UPF2: variants seen among roughly 807,000 people sequenced by gnomAD.
UPF2 encodes the protein regulator of nonsense transcripts 2.
A neutral mutation model predicts 141.4 loss-of-function variants in UPF2; 17 were observed. That is an observed-to-expected ratio of 0.12 (90% CI 0.08 to 0.18). The LOEUF is 0.18. Ranked by LOEUF, UPF2 falls within the 10% of genes least tolerant of loss-of-function variation. UPF2 has a pLI of 1.00. For synonymous variants in UPF2, 540 were observed against 498.0 expected (o/e 1.08, Z -1.12); for missense variants, 1,152 against 1,515.9 (o/e 0.76, Z 3.99).
intron 18 of UPF2, among the ~76,000 whole-genome samples, chr10:11,938,643 TA>T (rs200008959): frequency 6.6e-4 from 96 of 145,724 alleles, no homozygotes; most frequent in African/African-American, 1.7e-3. Flanking sequence ...TTTCACACAA[TA>T]AAAAAAAAAA....
rs185271882 is a variant in UPF2, at chr10:11,949,328, A to G, written c.3035-820T>C. Reference sequence around the variant, plus strand: ...TGCTTTGAAATCTTGCTTGCCCAATATCCTTCTCAATAGAGAATACCCTTC... The same window carrying G: ...TGCTTTGAAATCTTGCTTGCCCAATGTCCTTCTCAATAGAGAATACCCTTC... On this transcript the variant is annotated intron_variant, in intron 15 of 21. Coordinates refer to ENST00000357604, the MANE Select transcript of UPF2 (RefSeq NM_015542.4). Among the ~76,000 whole-genome samples the G allele has an allele frequency of 1.2e-3, 178 of 152,294 alleles. 1 individual carries two copies. The highest frequency in any genetic ancestry group is 3.8e-3 in the African/African-American group (157 of 41,556).
At chr10:11,952,877 T>C (rs1833096179) in intron 14 of UPF2, among the ~76,000 whole-genome samples, 1 of 152,152 alleles carries the variant, frequency 6.6e-6, no homozygotes, top group Non-Finnish European at 1.5e-5. Flanking sequence ...AAGGCACTGA[T>C]TTCCTATATT....
intron 4 of UPF2, among the ~76,000 whole-genome samples, chr10:12,013,770 AG>A (rs991141897): frequency 3.9e-5 from 6 of 152,086 alleles, no homozygotes; most frequent in Admixed American, 2.6e-4. Flanking sequence ...ATTTAAGAAA[AG>A]TTTTTTTTAA....
chr10:11,975,859 C>T (rs972959771), intron 9 of UPF2, among the ~76,000 whole-genome samples: 5 of 152,230 alleles, frequency 3.3e-5, no homozygotes, highest in Non-Finnish European at 5.9e-5. Context: ...GGCTGTCCAT[C>T]ATTTCAGCAT....
chr10:12,032,733 G>A (rs1834547806), intron 2 of UPF2, among the ~76,000 whole-genome samples: 2 of 135,512 alleles, frequency 1.5e-5, no homozygotes, highest in South Asian at 2.5e-4. Flanking sequence ...GCAAGACCCT[G>A]TCTCAAAAAA....
intron 16 of UPF2, among the ~76,000 whole-genome samples, chr10:11,944,067 T>C (rs1309904771): frequency 2.0e-5 from 3 of 151,814 alleles, no homozygotes; most frequent in Non-Finnish European, 4.4e-5. Flanking sequence ...TGTGCCATGA[T>C]GGCTGAGAAA....
rs113809934 is a variant in UPF2 at position 11,942,375 on chromosome 10, G to GA, written c.3378+289dup. Among the ~76,000 whole-genome samples, 582 of 146,662 alleles carry GA rather than the reference G, an allele frequency of 4.0e-3. 1 individual carries two copies. The highest frequency in any genetic ancestry group is 0.01 in the Middle Eastern group (3 of 290). On this transcript the variant is annotated intron_variant, in intron 18 of 21. Transcript: ENST00000357604. ...GCAACAGAGTGAGACTCTGTCTCAA[G>GA]AAAAAAAAAAGAAATATGACTTAAG...
Position 11,959,217 on chromosome 10 carries a change from A to G in UPF2, c.2324T>C (p.Val775Ala), listed in dbSNP as rs1257098735. 6.2e-6 allele frequency: 10 copies of G among 1,611,708 alleles called. No individual in the cohort carries two copies. Among genetic ancestry groups the G allele is most frequent in the Admixed American group, 1.7e-5 (1 of 59,228 alleles). Reference protein sequence around the residue: ...KKKRPPLQEYVRKLLYKDLSK... With the variant: ...KKKRPPLQEYARKLLYKDLSK... ...GAGATCCTTGTACAAAAGTTTCCGG[A>G]CATATTCCTGGAGAGGAGGACGTTT... The change falls in exon 12 of 22, where the codon GTC (valine) becomes GCC (alanine). Residue 775 changes from valine (V) to alanine (A), a missense_variant. Val to Ala is a moderately conservative substitution (Grantham distance 64). Around this residue, in one of 4 missense-constraint regions of UPF2, gnomAD observed 739 missense variants for 1,032.2 expected, o/e 0.72. Coordinates refer to ENST00000357604, the MANE Select transcript of UPF2 (RefSeq NM_015542.4). The surrounding 1 kb of genome is among the most constrained non-coding windows in gnomAD (Gnocchi z 5.9).
chr10:11,981,693 T>G (rs1659416091), intron 8 of UPF2, among the ~76,000 whole-genome samples: 1 of 152,196 alleles, frequency 6.6e-6, no homozygotes, highest in African/African-American at 2.4e-5. Context: ...ACTCTTTTTT[T>G]TTTCTGAGAC....
chr10:11,976,512 G>A lies in UPF2; in HGVS notation c.1953+2545C>T, dbSNP rs189066147. Among the ~76,000 whole-genome samples, 277 of 152,262 alleles carry A rather than the reference G, an allele frequency of 1.8e-3. 1 individual carries two copies. The highest frequency in any genetic ancestry group is 3.3e-3 in the Non-Finnish European group (225 of 67,992). On this transcript the variant is annotated intron_variant, in intron 9 of 21. Transcript: ENST00000357604. ...ATGGGAAATACAGAAGCAGATTCAAGGAAGTAAAAGACATTTTTAAGAAGA... is the reference window on the plus strand; with the variant it reads ...ATGGGAAATACAGAAGCAGATTCAAAGAAGTAAAAGACATTTTTAAGAAGA...
rs752504015 is a variant in UPF2, at chr10:11,956,489, T to C, written c.2405A>G (p.Asp802Gly). 2 of 1,613,970 alleles carry C rather than the reference T, an allele frequency of 1.2e-6. No homozygotes were observed. Among genetic ancestry groups the C allele is most frequent in the Non-Finnish European group, 1.7e-6 (2 of 1,179,892 alleles). ...LRQMRKLPWQ[D>G]QEVKDYVICC... Reference sequence around the variant, plus strand: ...AATAACATAGTCTTTCACTTCTTGGTCCTGCCAGGGCAGCTTTCGCATCTG... The same window carrying C: ...AATAACATAGTCTTTCACTTCTTGGCCCTGCCAGGGCAGCTTTCGCATCTG... The change falls in exon 13 of 22, where the codon GAC (aspartate) becomes GGC (glycine). Residue 802 changes from aspartate (D) to glycine (G), a missense_variant. By Grantham distance (94) the Asp-to-Gly change is moderately conservative. This residue lies in a region of UPF2 where 739 missense variants were observed against 1,032.2 expected (regional missense o/e 0.72). Coordinates refer to ENST00000357604, the MANE Select transcript of UPF2 (RefSeq NM_015542.4). This position sits in a 1 kb window ranked among gnomAD's most constrained non-coding sequence, Gnocchi z 4.2.
Position 11,936,463 on chromosome 10 carries a change from T to C in UPF2, c.3546+82A>G. 2 of 1,406,344 alleles carry C rather than the reference T, an allele frequency of 1.4e-6. No individual in the cohort carries two copies. Among genetic ancestry groups the C allele is most frequent in the Non-Finnish European group, 1.9e-6 (2 of 1,048,122 alleles). The allele number at this position is 1,406,344 out of a possible 1,614,324, so 87.1% of individuals were successfully genotyped here. Reference sequence around the variant, plus strand: ...ATGGTTTAAAACTGTCCAACCCTTATCCCCTTGTAGGTCAAAGATAAGTTA... The same window carrying C: ...ATGGTTTAAAACTGTCCAACCCTTACCCCCTTGTAGGTCAAAGATAAGTTA... On this transcript the variant is annotated intron_variant, in intron 19 of 21. Transcript: ENST00000357604. This position sits in a 1 kb window ranked among gnomAD's most constrained non-coding sequence, Gnocchi z 6.6.
chr10:11,961,856 A>C (rs1024652901), intron 11 of UPF2, among the ~76,000 whole-genome samples: 1 of 152,168 alleles, frequency 6.6e-6, no homozygotes, highest in Non-Finnish European at 1.5e-5. Flanking sequence ...TTTGCTATTT[A>C]TAAGTTCGAC....
chr10:12,042,518 GCCC>G lies in UPF2; in HGVS notation c.-19+234_-19+236del, dbSNP rs992677598. ...ATGTGGGGCAGGCACCTCCTCCACC[GCCC>G]CCCAAGCATGGCCCGGCCCGGGGGC... On this transcript the variant is annotated intron_variant, in intron 1 of 21. Transcript: ENST00000357604. The surrounding 1 kb of genome is among the most constrained non-coding windows in gnomAD (Gnocchi z 5.5). 1.3e-5 allele frequency among the ~76,000 whole-genome samples: 2 copies of G among 152,002 alleles called. No individual in the cohort carries two copies. The highest frequency in any genetic ancestry group is 2.9e-5 in the Non-Finnish European group (2 of 67,978).
intron 14 of UPF2, among the ~76,000 whole-genome samples, chr10:11,952,514 A>G (rs1025592504): frequency 1.8e-4 from 22 of 123,404 alleles, no homozygotes; most frequent in Admixed American, 1.5e-3. Context: ...TCGCTCTGTC[A>G]CCCAGTCTGG....
intron 16 of UPF2, 142 bp from the exon 17 acceptor site, chr10:11,943,310 G>A: frequency 1.4e-6 from 1 of 695,286 alleles, no homozygotes; most frequent in Non-Finnish European, 2.4e-6. Flanking sequence ...TTTCCAATGG[G>A]AGGGCAAAGT....
At position 11,948,523 on chromosome 10, in the gene UPF2, G is replaced by A. The variant is rs1362977608; in HGVS notation, c.3035-15C>T. ...ATTTACTAGGCCTTGAAATGAGAAG[G>A]TGGAAATGGAAAAATACATTAAAAA... On this transcript the variant is annotated splice_polypyrimidine_tract_variant and intron_variant, in intron 15 of 21. Transcript: ENST00000357604. 6.2e-7 allele frequency: 1 copy of A among 1,608,806 alleles called. No individual in the cohort carries two copies. The highest frequency in any genetic ancestry group is 1.7e-5 in the Admixed American group (1 of 59,514).
intron 2 of UPF2, among the ~76,000 whole-genome samples, chr10:12,032,143 A>C (rs1834535209): frequency 6.6e-6 from 1 of 151,958 alleles, no homozygotes; most frequent in Non-Finnish European, 1.5e-5. Flanking sequence ...AAAATACAAA[A>C]ATTAGCCGGG....
At chr10:12,037,161 T>C (rs1834644631) in intron 1 of UPF2, among the ~76,000 whole-genome samples, 4 of 152,308 alleles carry the variant, frequency 2.6e-5, no homozygotes, top group South Asian at 4.1e-4. Flanking sequence ...CACAGCTCAC[T>C]GAAGTCTCGA....
Sources: gnomAD v4.1 joint callset for allele counts (sites outside exome capture counted in the v4.1 genomes callset) on GRCh38, gnomAD v4.1.1 for gene constraint, gnomAD v4.1.1 regional missense constraint, Gnocchi (gnomAD v3.1) non-coding constraint, MANE v1.5 for transcripts, NCBI Gene and HGNC (gene_info 2026-07-23, HGNC 2026-07-21) for gene names.